Variants in PTGER4 observed in about 807,000 individuals in gnomAD.
PTGER4 encodes prostaglandin E receptor 4, also known as prostaglandin E2 receptor EP4 subtype.
A neutral mutation model predicts 33.2 loss-of-function variants in PTGER4; 11 were observed. That is an observed-to-expected ratio of 0.33 (90% CI 0.21 to 0.55). The LOEUF (loss-of-function observed/expected upper bound fraction) is 0.55. PTGER4 is among the 20% of genes least tolerant of loss of function. The probability of loss-of-function intolerance (pLI) is 0.92; values close to 1 mark genes in which losing one functional copy is unlikely to be tolerated. For synonymous variants in PTGER4, 275 were observed against 281.5 expected (o/e 0.98, Z 0.23); for missense variants, 481 against 650.2 (o/e 0.74, Z 2.83).
At chr5:40,746,525 C>T in the PTGER4 span, among the ~76,000 whole-genome samples, 1 of 152,166 alleles carries the variant, frequency 6.6e-6, no homozygotes, top group Non-Finnish European at 1.5e-5. Flanking sequence ...TTAGCATTTA[C>T]TCTTCTTTAG....
At chr5:40,695,550 A>G (rs1307936291), downstream of PTGER4, among the ~76,000 whole-genome samples, 4 of 151,846 alleles carry the variant, frequency 2.6e-5, no homozygotes, top group African/African-American at 7.3e-5. Context: ...TCTCAAAAAA[A>G]ATAAAAAATA....
At chr5:40,730,796 T>C in the PTGER4 span, among the ~76,000 whole-genome samples, 2 of 152,118 alleles carry the variant, frequency 1.3e-5, no homozygotes, top group Non-Finnish European at 2.9e-5. Flanking sequence ...ATGTAGTGTA[T>C]GCTCAGAAAA....
At chr5:40,697,907 T>C (rs922053957), downstream of PTGER4, among the ~76,000 whole-genome samples, 4 of 151,730 alleles carry the variant, frequency 2.6e-5, no homozygotes, top group African/African-American at 9.7e-5. Flanking sequence ...ACAGGATTGC[T>C]TGCACAAACT....
At chr5:40,712,465 C>A in the PTGER4 span, among the ~76,000 whole-genome samples, 2,266 of 152,196 alleles carry the variant, frequency 0.015, 61 homozygotes, top group African/African-American at 0.052. Flanking sequence ...AAGTTTACTG[C>A]TGAAAAAGGC....
rs559533005 is a variant in PTGER4, at chr5:40,680,797, G to A, written c.-43-154G>A. On this transcript the variant is annotated intron_variant, in intron 1 of 2. Transcript: ENST00000302472. This position sits in a 1 kb window ranked among gnomAD's most constrained non-coding sequence, Gnocchi z 5.5. ...GACGTATCGCGAGCCTGGAGATTTTGGTGGCCGCAGTTGGTAAGTGGCTAC... is the reference window on the plus strand; with the variant it reads ...GACGTATCGCGAGCCTGGAGATTTTAGTGGCCGCAGTTGGTAAGTGGCTAC... 1.2e-4 allele frequency among the ~76,000 whole-genome samples: 18 copies of A among 152,098 alleles called. No individual in the cohort carries two copies. The highest frequency in any genetic ancestry group is 2.4e-4 in the Non-Finnish European group (16 of 68,000).
chr5:40,742,780 A>T, the PTGER4 span, among the ~76,000 whole-genome samples: 1 of 152,228 alleles, frequency 6.6e-6, no homozygotes, highest in African/African-American at 2.4e-5. Flanking sequence ...TTTATTCCCA[A>T]AGGTCCTTTG....
the PTGER4 span, among the ~76,000 whole-genome samples, chr5:40,724,066 T>C: frequency 2.0e-5 from 3 of 152,198 alleles, no homozygotes; most frequent in African/African-American, 7.2e-5. Context: ...CAAAGAGATA[T>C]TAGCACTCCC....
At chr5:40,709,099 A>G in the PTGER4 span, among the ~76,000 whole-genome samples, 3 of 152,204 alleles carry the variant, frequency 2.0e-5, no homozygotes, top group African/African-American at 7.2e-5. Context: ...AAAAACTGGA[A>G]GCATTCCCTT....
chr5:40,709,778 A>C, the PTGER4 span, among the ~76,000 whole-genome samples: 2 of 152,248 alleles, frequency 1.3e-5, no homozygotes, highest in South Asian at 4.1e-4. Flanking sequence ...ACCTGACTTC[A>C]AACTATACTA....
chr5:40,689,218 TCAAAA>T (rs1251212955), intron 2 of PTGER4, among the ~76,000 whole-genome samples: 2 of 152,082 alleles, frequency 1.3e-5, no homozygotes, highest in Admixed American at 6.6e-5. Flanking sequence ...GTGTAAGTTC[TCAAAA>T]CAAAACAAGT....
the PTGER4 span, chr5:40,728,402 T>C: frequency 1.9e-6 from 3 of 1,613,648 alleles, no homozygotes; most frequent in Middle Eastern, 1.7e-4. Context: ...AAGACTCCCA[T>C]GAATGTGGAT....
At chr5:40,709,888 A>G in the PTGER4 span, among the ~76,000 whole-genome samples, 1 of 152,264 alleles carries the variant, frequency 6.6e-6, no homozygotes, top group African/African-American at 2.4e-5. Context: ...GAAAGCTGAA[A>G]CTGGATCCCT....
chr5:40,706,453 C>T, the PTGER4 span, among the ~76,000 whole-genome samples: 1 of 151,972 alleles, frequency 6.6e-6, no homozygotes, highest in Non-Finnish European at 1.5e-5. Context: ...TGTAACAAAC[C>T]TTTACATGTA....
the PTGER4 span, among the ~76,000 whole-genome samples, chr5:40,741,606 C>T: frequency 6.6e-6 from 1 of 152,206 alleles, no homozygotes; most frequent in Non-Finnish European, 1.5e-5. Context: ...AAAGTCCAAT[C>T]TCCATCTCCT....
chr5:40,704,128 G>A, the PTGER4 span, among the ~76,000 whole-genome samples: 800 of 152,042 alleles, frequency 5.3e-3, 7 homozygotes, highest in African/African-American at 0.018. Context: ...AAATCAAAAA[G>A]CTAATCCACT....
chr5:40,703,317 C>T, the PTGER4 span, among the ~76,000 whole-genome samples: 1 of 151,976 alleles, frequency 6.6e-6, no homozygotes, highest in Non-Finnish European at 1.5e-5. Context: ...AATGTTACTA[C>T]TGAGCTGACA....
At chr5:40,739,309 T>C in the PTGER4 span, among the ~76,000 whole-genome samples, 2 of 152,340 alleles carry the variant, frequency 1.3e-5, no homozygotes, top group South Asian at 2.1e-4. Context: ...GGGATTTCGA[T>C]TGGAATTGCA....
chr5:40,687,088 C>T (rs925967019), intron 2 of PTGER4, among the ~76,000 whole-genome samples: 2 of 152,072 alleles, frequency 1.3e-5, no homozygotes, highest in Non-Finnish European at 2.9e-5. Context: ...CTTTGTGGCC[C>T]AGGCTGGAGT....
chr5:40,681,997 C>T lies in PTGER4; in HGVS notation c.867+137C>T. 2.5e-6 allele frequency: 3 copies of T among 1,183,180 alleles called. No homozygotes were observed. The highest frequency in any genetic ancestry group is 3.4e-6 in the Non-Finnish European group (3 of 882,696). 73.3% of individuals were successfully genotyped at this position (1,183,180 alleles called of 1,614,324 possible). A position where few individuals can be genotyped will look rare whatever the true frequency, so the allele number is the denominator to read the frequency against. On this transcript the variant is annotated intron_variant, in intron 2 of 2. Transcript: ENST00000302472. The surrounding 1 kb of genome is among the most constrained non-coding windows in gnomAD (Gnocchi z 9.8). Reference sequence around the variant, plus strand: ...TTAGGTCGGGGCTGGGATTCCCACACTGTTTCTCAGAGCAGGCCCAACCCT... The same window carrying T: ...TTAGGTCGGGGCTGGGATTCCCACATTGTTTCTCAGAGCAGGCCCAACCCT...
Sources: gnomAD v4.1 joint callset for allele counts (sites outside exome capture counted in the v4.1 genomes callset) on GRCh38, gnomAD v4.1.1 for gene constraint, Gnocchi (gnomAD v3.1) non-coding constraint, MANE v1.5 for transcripts, NCBI Gene and HGNC (gene_info 2026-07-23, HGNC 2026-07-21) for gene names.